The following ETV6 variants were observed in gnomAD, a reference collection of about 807,000 sequenced individuals.
ETV6 encodes the protein ETS variant transcription factor 6, also known as transcription factor ETV6.
A neutral mutation model predicts 51.1 loss-of-function variants in ETV6; 16 were observed. That is an observed-to-expected ratio of 0.31 (90% CI 0.21 to 0.48). The LOEUF is 0.48. Ranked by LOEUF, ETV6 falls within the 20% of genes least tolerant of loss-of-function variation. ETV6 has a pLI of 0.99. For missense variants in ETV6, 458 were observed against 594.8 expected, an observed-to-expected ratio of 0.77 and a Z score of 2.39; for synonymous variants, 240 against 224.1, an observed-to-expected ratio of 1.07 and a Z score of -0.64.
At chr12:11,801,159 C>T (rs1292345152) in intron 2 of ETV6, among the ~76,000 whole-genome samples, 1 of 152,132 alleles carries the variant, frequency 6.6e-6, no homozygotes, top group African/African-American at 2.4e-5. Flanking sequence ...ATGGCAAATA[C>T]GTGAACAGAG....
chr12:11,804,533 C>G (rs1945800465), intron 2 of ETV6, among the ~76,000 whole-genome samples: 1 of 152,196 alleles, frequency 6.6e-6, no homozygotes, highest in Admixed American at 6.5e-5. Context: ...ACTTGCTGCC[C>G]TTCTGCCTAT....
At chr12:11,667,696 ATTTT>A (rs34458275) in intron 1 of ETV6, among the ~76,000 whole-genome samples, 1 of 72,970 alleles carries the variant, frequency 1.4e-5, no homozygotes, top group Non-Finnish European at 2.6e-5. Flanking sequence ...TACCTGGCTA[ATTTT>A]TTTTTTTTTT....
At chr12:11,840,671 T>C in intron 3 of ETV6, 1 of 339,400 alleles carries the variant, frequency 2.9e-6, no homozygotes, top group Middle Eastern at 6.9e-4. Context: ...ACAGACCGTT[T>C]ATATGAAGAA....
chr12:11,724,528 G>A (rs536965735), intron 1 of ETV6, among the ~76,000 whole-genome samples: 11 of 152,112 alleles, frequency 7.2e-5, no homozygotes, highest in Non-Finnish European at 1.2e-4. Context: ...ACTATATGCC[G>A]GTTACTCTGC....
At chr12:11,719,173 G>A (rs1156272330) in intron 1 of ETV6, among the ~76,000 whole-genome samples, 1 of 152,208 alleles carries the variant, frequency 6.6e-6, no homozygotes, top group Non-Finnish European at 1.5e-5. Context: ...TGCACCACGG[G>A]GAGCCGTATA....
intron 1 of ETV6, among the ~76,000 whole-genome samples, chr12:11,722,699 C>A (rs1310899299): frequency 6.6e-6 from 1 of 152,202 alleles, no homozygotes; most frequent in Non-Finnish European, 1.5e-5. Context: ...GTAGGCCAGG[C>A]CCTAAACTGA....
At chr12:11,736,225 A>G (rs114548035) in intron 1 of ETV6, among the ~76,000 whole-genome samples, 222 of 152,354 alleles carry the variant, frequency 1.5e-3, no homozygotes, top group African/African-American at 4.9e-3. Context: ...TCTTCAGATC[A>G]TTCATTCACC....
chr12:11,799,419 T>G (rs1302988994), intron 2 of ETV6, among the ~76,000 whole-genome samples: 1 of 152,164 alleles, frequency 6.6e-6, no homozygotes, highest in Non-Finnish European at 1.5e-5. Flanking sequence ...CCCCACCAAC[T>G]GTTTGGAATC....
At chr12:11,808,536 C>T (rs1008642733) in intron 2 of ETV6, among the ~76,000 whole-genome samples, 1 of 151,814 alleles carries the variant, frequency 6.6e-6, no homozygotes, top group Non-Finnish European at 1.5e-5. Context: ...ACATTGTATT[C>T]GTTACAAGTA....
chr12:11,788,773 T>TC (rs1491528272), intron 2 of ETV6, among the ~76,000 whole-genome samples: 1 of 147,568 alleles, frequency 6.8e-6, no homozygotes, highest in Non-Finnish European at 1.5e-5. Context: ...TTTTTTTTTT[T>TC]CATTTCTAAA....
In ETV6 at chr12:11,765,792, C is replaced by A. The variant is rs564481779; in HGVS notation, c.163+13213C>A. On this transcript the variant is annotated intron_variant, in intron 2 of 7. Transcript: ENST00000396373. The stretch of plus-strand genomic sequence containing the variant: ...ACGTGCTTTAGGAACTATAATTTGT[C>A]ATTTTATTTTCTTGTGCCCTCTTCA... 2.2e-4 allele frequency among the ~76,000 whole-genome samples: 34 copies of A among 152,166 alleles called. 1 individual carries two copies. The South Asian group carries it at 5.8e-3, about 26-fold the overall frequency.
chr12:11,667,944 C>T (rs1485381767), intron 1 of ETV6, among the ~76,000 whole-genome samples: 2 of 152,176 alleles, frequency 1.3e-5, no homozygotes, highest in South Asian at 4.2e-4. Context: ...TCGCGATCCA[C>T]CCGCTTCGGC....
chr12:11,720,479 A>G (rs1322383327), intron 1 of ETV6, among the ~76,000 whole-genome samples: 1 of 152,226 alleles, frequency 6.6e-6, no homozygotes, highest in African/African-American at 2.4e-5. Flanking sequence ...GCAATGGGGT[A>G]AAGGACTCCT....
intron 2 of ETV6, among the ~76,000 whole-genome samples, chr12:11,832,125 G>T (rs1159417832): frequency 6.6e-6 from 1 of 152,200 alleles, no homozygotes; most frequent in African/African-American, 2.4e-5. Context: ...GAAAACCATG[G>T]AATACGCTTA....
At chr12:11,843,844 G>T (rs1452540624) in intron 3 of ETV6, among the ~76,000 whole-genome samples, 1 of 152,106 alleles carries the variant, frequency 6.6e-6, no homozygotes, top group Admixed American at 6.6e-5. Flanking sequence ...TCTCTAACCA[G>T]AAGATTTCAA....
At chr12:11,768,908 A>T in intron 2 of ETV6, 1 of 480,348 alleles carries the variant, frequency 2.1e-6, no homozygotes, top group Non-Finnish European at 4.2e-6. Flanking sequence ...AATTCCTTGG[A>T]AATACCATTT....
intron 3 of ETV6, among the ~76,000 whole-genome samples, chr12:11,842,499 G>A (rs138974068): frequency 2.6e-5 from 4 of 152,150 alleles, no homozygotes; most frequent in Non-Finnish European, 5.9e-5. Flanking sequence ...AGAGTGGAAA[G>A]TTCAATGTGG....
intron 1 of ETV6, among the ~76,000 whole-genome samples, chr12:11,687,192 C>T (rs779972199): frequency 1.3e-5 from 2 of 148,842 alleles, no homozygotes; most frequent in African/African-American, 4.9e-5. Flanking sequence ...CCCACCCCAC[C>T]GCCCCACCTT....
At chr12:11,742,138 G>A (rs1865822560) in intron 1 of ETV6, among the ~76,000 whole-genome samples, 1 of 152,204 alleles carries the variant, frequency 6.6e-6, no homozygotes, top group African/African-American at 2.4e-5. Flanking sequence ...CTTAACTACA[G>A]GGCTACAAGA....
Sources: gnomAD v4.1 joint callset for allele counts (sites outside exome capture counted in the v4.1 genomes callset) on GRCh38, gnomAD v4.1.1 for gene constraint, MANE v1.5 for transcripts, NCBI Gene and HGNC (gene_info 2026-07-23, HGNC 2026-07-21) for gene names.